PLPPR1: variants seen among roughly 807,000 people sequenced by gnomAD.
PLPPR1 encodes phospholipid phosphatase related 1, also known as phospholipid phosphatase-related protein type 1.
In PLPPR1, 10 loss-of-function variants were observed where a neutral mutation model predicts 33.1. The observed-to-expected ratio is 0.30, with a 90% CI of 0.19 to 0.51. The LOEUF is 0.51. Ranked by LOEUF, PLPPR1 falls within the 20% of genes least tolerant of loss-of-function variation. PLPPR1 has a pLI of 0.97. For synonymous variants in PLPPR1, 151 were observed against 151.0 expected (o/e 1.00, Z 0.00); for missense variants, 304 against 408.1 (o/e 0.74, Z 2.20).
chr9:101,310,786 C>T (rs1039443931), intron 5 of PLPPR1, among the ~76,000 whole-genome samples: 12 of 152,070 alleles, frequency 7.9e-5, no homozygotes, highest in Admixed American at 6.5e-4. Context: ...AGGATCACAT[C>T]GATAGGGTTA....
intron 1 of PLPPR1, among the ~76,000 whole-genome samples, chr9:101,154,319 A>G (rs447539): frequency 0.54 from 82,267 of 151,630 alleles, 22,967 homozygotes; most frequent in African/African-American, 0.67. Flanking sequence ...GGTAGAATTC[A>G]GCTGTGAATC....
chr9:101,145,333 C>T (rs1831506459), intron 1 of PLPPR1, among the ~76,000 whole-genome samples: 1 of 152,092 alleles, frequency 6.6e-6, no homozygotes, highest in Non-Finnish European at 1.5e-5. Context: ...TTGATTTAGC[C>T]AGTTCATAAT....
At chr9:101,084,788 T>A (rs1441631116) in intron 1 of PLPPR1, among the ~76,000 whole-genome samples, 2 of 152,194 alleles carry the variant, frequency 1.3e-5, no homozygotes, top group South Asian at 2.1e-4. Context: ...TACCTTGGGC[T>A]ACAAACCCAA....
chr9:101,312,781 C>T lies in PLPPR1; in HGVS notation c.637-17C>T, dbSNP rs947895141. The stretch of plus-strand genomic sequence containing the variant: ...AGGCAGCTGCCTGGTCACTCCCTGG[C>T]CTCTGTCCTATTCCAGATGTATATT... On this transcript the variant is annotated splice_polypyrimidine_tract_variant and intron_variant, in intron 5 of 7. Transcript: ENST00000374874. 1.9e-6 allele frequency: 3 copies of T among 1,611,902 alleles called. No individual in the cohort carries two copies. The highest frequency in any genetic ancestry group is 2.5e-6 in the Non-Finnish European group (3 of 1,178,830).
intron 1 of PLPPR1, among the ~76,000 whole-genome samples, chr9:101,031,250 T>C (rs1829941567): frequency 6.6e-6 from 1 of 152,214 alleles, no homozygotes; most frequent in Non-Finnish European, 1.5e-5. Flanking sequence ...TTTATTTGCT[T>C]TGTTACTATA....
intron 5 of PLPPR1, among the ~76,000 whole-genome samples, chr9:101,309,935 T>G (rs925694777): frequency 2.6e-5 from 4 of 152,200 alleles, no homozygotes; most frequent in African/African-American, 9.7e-5. Context: ...AGACCCAGGA[T>G]ACACAGCTTT....
At chr9:101,311,370 G>T (rs575494520) in intron 5 of PLPPR1, among the ~76,000 whole-genome samples, 1 of 152,108 alleles carries the variant, frequency 6.6e-6, no homozygotes, top group Non-Finnish European at 1.5e-5. Context: ...CTTCTGAGCC[G>T]CTATTACATG....
chr9:101,296,126 A>C (rs1412249942), intron 4 of PLPPR1, among the ~76,000 whole-genome samples: 36 of 152,208 alleles, frequency 2.4e-4, no homozygotes, highest in African/African-American at 8.2e-4. Context: ...ACCCCATCAA[A>C]AAGTAGGCGA....
chr9:101,158,363 G>A (rs1291843983), intron 1 of PLPPR1, among the ~76,000 whole-genome samples: 3 of 152,182 alleles, frequency 2.0e-5, no homozygotes, highest in African/African-American at 4.8e-5. Flanking sequence ...GTCAATGGAG[G>A]AGAGAGTGAG....
chr9:101,225,675 A>T (rs1425209164), intron 2 of PLPPR1, among the ~76,000 whole-genome samples: 1 of 151,904 alleles, frequency 6.6e-6, no homozygotes, highest in Non-Finnish European at 1.5e-5. Flanking sequence ...ATGCTTACAC[A>T]TTGTGTTCAC....
Position 101,146,077 on chromosome 9 carries a change from A to G in PLPPR1, c.-45-39373A>G, listed in dbSNP as rs186375180. On this transcript the variant is annotated intron_variant, in intron 1 of 7. Coordinates refer to ENST00000374874, the MANE Select transcript of PLPPR1 (RefSeq NM_207299.2). The stretch of plus-strand genomic sequence containing the variant: ...GAATCCTTCCCTCATTCTACTATTT[A>G]GATAAAATTAATTACTACTTCCCTC... 2.7e-4 allele frequency among the ~76,000 whole-genome samples: 41 copies of G among 152,292 alleles called. 1 individual carries two copies. The East Asian group carries it at 7.6e-3, about 28-fold the overall frequency.
At chr9:101,259,116 C>T (rs1827851909) in intron 2 of PLPPR1, among the ~76,000 whole-genome samples, 1 of 151,980 alleles carries the variant, frequency 6.6e-6, no homozygotes, top group African/African-American at 2.4e-5. Context: ...TCCATATCAT[C>T]CACCTATAAA....
At chr9:101,030,827 CT>C (rs955123410) in intron 1 of PLPPR1, among the ~76,000 whole-genome samples, 1 of 151,774 alleles carries the variant, frequency 6.6e-6, no homozygotes, top group African/African-American at 2.4e-5. Context: ...CATTTTGTGA[CT>C]TCTTTGAAGT....
intron 1 of PLPPR1, among the ~76,000 whole-genome samples, chr9:101,178,011 G>A (rs754847922): frequency 9.9e-5 from 15 of 152,170 alleles, no homozygotes; most frequent in Non-Finnish European, 1.9e-4. Context: ...AAATATAAAA[G>A]ACATCACTAA....
At chr9:101,176,578 G>T (rs1175718681) in intron 1 of PLPPR1, among the ~76,000 whole-genome samples, 2 of 152,150 alleles carry the variant, frequency 1.3e-5, no homozygotes, top group Non-Finnish European at 2.9e-5. Context: ...CACCAGGGTG[G>T]TATCAGTGGA....
At chr9:101,131,564 G>A (rs41274975) in intron 1 of PLPPR1, 23,717 of 152,174 alleles carry the variant, frequency 0.16, 2,115 homozygotes, top group Non-Finnish European at 0.2. Flanking sequence ...AGGACTCGTC[G>A]TGAGCGGGGA....
intron 1 of PLPPR1, among the ~76,000 whole-genome samples, chr9:101,148,427 T>C (rs1831546585): frequency 6.6e-6 from 1 of 152,082 alleles, no homozygotes; most frequent in Non-Finnish European, 1.5e-5. Context: ...CCTCCACCAC[T>C]TTTCTCTCAT....
intron 1 of PLPPR1, among the ~76,000 whole-genome samples, chr9:101,109,431 C>G (rs969918696): frequency 6.6e-6 from 1 of 152,124 alleles, no homozygotes; most frequent in Non-Finnish European, 1.5e-5. Context: ...ATTTTATCAT[C>G]TTCTCTCTTT....
intron 1 of PLPPR1, among the ~76,000 whole-genome samples, chr9:101,039,922 TA>T (rs36061660): frequency 0.63 from 84,480 of 134,938 alleles, 25,216 homozygotes; most frequent in African/African-American, 0.69. Flanking sequence ...TATTGCCTCC[TA>T]AAAAAAAAAA....
Sources: gnomAD v4.1 joint callset for allele counts (sites outside exome capture counted in the v4.1 genomes callset) on GRCh38, gnomAD v4.1.1 for gene constraint, MANE v1.5 for transcripts, NCBI Gene and HGNC (gene_info 2026-07-23, HGNC 2026-07-21) for gene names.